MTHFD1L: variants seen among roughly 807,000 people sequenced by gnomAD.
MTHFD1L encodes the protein monofunctional C1-tetrahydrofolate synthase, mitochondrial.
In MTHFD1L, 81 loss-of-function variants were observed where a neutral mutation model predicts 119.5. The ratio of observed to expected loss-of-function variants is 0.68; its 90% confidence interval spans 0.57 to 0.82. MTHFD1L has a LOEUF of 0.82. Ranked by LOEUF, MTHFD1L falls within the 40% of genes least tolerant of loss-of-function variation. The pLI is 0.00. For synonymous variants in MTHFD1L, 430 were observed against 475.2 expected (o/e 0.90, Z 1.24); for missense variants, 1,125 against 1,253.4 (o/e 0.90, Z 1.55).
intron 26 of MTHFD1L, among the ~76,000 whole-genome samples, chr6:151,071,734 T>G (rs1302509821): frequency 6.6e-6 from 1 of 152,204 alleles, no homozygotes; most frequent in Non-Finnish European, 1.5e-5. Flanking sequence ...TTGCTCAATT[T>G]ATAAACCTAA....
At chr6:150,890,186 A>G (rs1211871224) in intron 7 of MTHFD1L, among the ~76,000 whole-genome samples, 1 of 148,136 alleles carries the variant, frequency 6.8e-6, no homozygotes, top group African/African-American at 2.4e-5. Flanking sequence ...GTGTATATAT[A>G]TGTGTGTGTG....
chr6:150,978,965 C>T (rs778789860), intron 20 of MTHFD1L, among the ~76,000 whole-genome samples: 2 of 152,100 alleles, frequency 1.3e-5, no homozygotes, highest in African/African-American at 2.4e-5. Context: ...TTTAGCTGGG[C>T]GCAGTGGCTC....
chr6:151,078,988 C>T (rs933844278), intron 26 of MTHFD1L, among the ~76,000 whole-genome samples: 2 of 152,114 alleles, frequency 1.3e-5, no homozygotes, highest in African/African-American at 4.8e-5. Flanking sequence ...AGGAGGATGG[C>T]TCCATGAAAG....
At chr6:151,007,576 A>G (rs1291291362) in intron 20 of MTHFD1L, among the ~76,000 whole-genome samples, 3 of 152,124 alleles carry the variant, frequency 2.0e-5, no homozygotes, top group Non-Finnish European at 4.4e-5. Flanking sequence ...CACAGCTGGG[A>G]GGGATCCGGG....
chr6:151,014,694 G>T (rs1450969269), intron 22 of MTHFD1L, among the ~76,000 whole-genome samples, 186 bp from the exon 23 acceptor site: 3 of 152,202 alleles, frequency 2.0e-5, no homozygotes, highest in Non-Finnish European at 4.4e-5. Context: ...TATGCCATTG[G>T]ATCCAGAATC....
At chr6:150,903,519 C>T (rs536748793) in intron 7 of MTHFD1L, among the ~76,000 whole-genome samples, 76 of 152,218 alleles carry the variant, frequency 5.0e-4, no homozygotes, top group African/African-American at 1.6e-3. Flanking sequence ...TGGGCTCAAG[C>T]GATCCTTCCA....
At chr6:151,015,769 C>T in intron 24 of MTHFD1L, 76 bp downstream of exon 24, 3 of 1,507,824 alleles carry the variant, frequency 2.0e-6, no homozygotes, top group Non-Finnish European at 2.7e-6. Flanking sequence ...GTCACCACAA[C>T]CCTACAGATA....
At chr6:150,889,132 G>T (rs915910345) in intron 7 of MTHFD1L, among the ~76,000 whole-genome samples, 1 of 151,404 alleles carries the variant, frequency 6.6e-6, no homozygotes, top group Non-Finnish European at 1.5e-5. Flanking sequence ...AGCCGCGATC[G>T]TGCCACTGCA....
At chr6:151,049,258 G>A (rs1237578505) in intron 26 of MTHFD1L, among the ~76,000 whole-genome samples, 1 of 152,186 alleles carries the variant, frequency 6.6e-6, no homozygotes, top group African/African-American at 2.4e-5. Flanking sequence ...TTGGGAGGCC[G>A]AGGCAGGCAG....
chr6:150,912,629 G>A (rs1787110400), intron 8 of MTHFD1L: 1 of 477,316 alleles, frequency 2.1e-6, no homozygotes, highest in Non-Finnish European at 4.4e-6. Flanking sequence ...TTCTGAGGAA[G>A]GCATGATAAC....
chr6:151,099,503 G>T, intron 27 of MTHFD1L: 1 of 1,453,212 alleles, frequency 6.9e-7, no homozygotes, highest in Non-Finnish European at 9.6e-7. Context: ...TATGGAGGTG[G>T]CAGCCATCTC....
At chr6:150,907,756 G>A (rs9397029) in intron 8 of MTHFD1L, among the ~76,000 whole-genome samples, 17,253 of 152,106 alleles carry the variant, frequency 0.11, 1,233 homozygotes, top group South Asian at 0.18. Flanking sequence ...TGTAAATCAG[G>A]GATGGTCTGT....
At chr6:150,953,009 C>A (rs1311738980) in intron 16 of MTHFD1L, among the ~76,000 whole-genome samples, 6 of 152,176 alleles carry the variant, frequency 3.9e-5, no homozygotes, top group Non-Finnish European at 8.8e-5. Flanking sequence ...CCTGTCCGAG[C>A]CCCGGGGCCT....
chr6:150,927,914 G>A (rs985882520), intron 11 of MTHFD1L, among the ~76,000 whole-genome samples: 3 of 152,142 alleles, frequency 2.0e-5, no homozygotes, highest in Admixed American at 2.0e-4. Flanking sequence ...AATTGTCCAA[G>A]TGCACTGATG....
chr6:151,095,777 T>C (rs1280031686), intron 27 of MTHFD1L, among the ~76,000 whole-genome samples: 1 of 152,244 alleles, frequency 6.6e-6, no homozygotes, highest in Non-Finnish European at 1.5e-5. Flanking sequence ...GCCTACCCCT[T>C]GGTCACTGAG....
intron 8 of MTHFD1L, among the ~76,000 whole-genome samples, chr6:150,911,563 G>C (rs532564786): frequency 1.2e-4 from 19 of 152,246 alleles, no homozygotes; most frequent in Admixed American, 4.6e-4. Context: ...AGGCCTTCTG[G>C]AAGGCCTCAG....
At chr6:150,866,522 G>A (rs752959673) in intron 1 of MTHFD1L, 27 of 1,278,058 alleles carry the variant, frequency 2.1e-5, no homozygotes, top group Non-Finnish European at 2.4e-5. Context: ...GGCGGGCTCG[G>A]GCCCAGCGCC....
At chr6:150,966,875 A>AG (rs1476560009) in intron 19 of MTHFD1L, among the ~76,000 whole-genome samples, 1 of 152,176 alleles carries the variant, frequency 6.6e-6, no homozygotes, top group Non-Finnish European at 1.5e-5. Flanking sequence ...GAAGGTGCCC[A>AG]GTGAGGATGC....
At position 151,034,525 on chromosome 6, in the gene MTHFD1L, T is replaced by C. The variant is rs1277257695; in HGVS notation, c.2619T>C (p.Ala873=). The part of the protein sequence containing the change: ...VPIVDKIRTI[A]QAVYGAKDIE... The stretch of plus-strand genomic sequence containing the variant: ...TTGTGGACAAGATAAGGACCATTGC[T>C]CAGGCTGTCTATGGAGCCAAAGATA... Residue 873 remains alanine, a synonymous_variant, in exon 25 of 28, where the codon GCT becomes GCC. Transcript: ENST00000367321. The C allele has an allele frequency of 6.2e-7, 1 of 1,611,792 alleles. No homozygotes were observed. Among genetic ancestry groups the C allele is most frequent in the South Asian group, 1.1e-5 (1 of 90,988 alleles).
Sources: allele counts gnomAD v4.1 joint callset (sites outside exome capture counted in the v4.1 genomes callset), GRCh38; gene constraint gnomAD v4.1.1; transcripts MANE v1.5; gene names NCBI Gene and HGNC (gene_info 2026-07-23, HGNC 2026-07-21).